Variants in ARHGEF1 observed in about 807,000 individuals in gnomAD.
ARHGEF1 encodes the protein 115 kDa guanine nucleotide exchange factor.
A neutral mutation model predicts 119.7 loss-of-function variants in ARHGEF1; 40 were observed. The observed-to-expected ratio is 0.33, with a 90% CI of 0.26 to 0.44. The LOEUF (loss-of-function observed/expected upper bound fraction) is 0.44. Ranked by LOEUF, ARHGEF1 falls within the 20% of genes least tolerant of loss-of-function variation. The pLI is 1.00. For synonymous variants in ARHGEF1, 494 were observed against 521.0 expected (o/e 0.95, Z 0.71); for missense variants, 976 against 1,268.3 (o/e 0.77, Z 3.50).
At chr19:41,909,869 GCCC>G, downstream of ARHGEF1, 1 of 1,610,056 alleles carries the variant, frequency 6.2e-7, no homozygotes, top group Non-Finnish European at 8.5e-7. This position sits in a 1 kb window ranked among gnomAD's most constrained non-coding sequence, Gnocchi z 5.2. Flanking sequence ...TCACCGCAGG[GCCC>G]GGCTCAGCTT....
chr19:41,924,375 CT>C (rs2145910664), intron 1 of ARHGEF1, among the ~76,000 whole-genome samples: 1 of 152,220 alleles, frequency 6.6e-6, no homozygotes, highest in Non-Finnish European at 1.5e-5. Context: ...GTTTCCTTCT[CT>C]GTAAAATGGG....
intron 1 of ARHGEF1, among the ~76,000 whole-genome samples, chr19:41,885,417 C>G (rs2074278806): frequency 6.6e-6 from 1 of 152,148 alleles, no homozygotes; most frequent in Non-Finnish European, 1.5e-5. Flanking sequence ...GGTGGGGGCT[C>G]CCCATGCTCT....
In ARHGEF1 at chr19:41,906,386, G is replaced by A; in HGVS notation, c.2492-71G>A. On this transcript the variant is annotated intron_variant, in intron 26 of 28. Coordinates refer to ENST00000354532, the MANE Select transcript of ARHGEF1 (RefSeq NM_004706.4). This position sits in a 1 kb window ranked among gnomAD's most constrained non-coding sequence, Gnocchi z 4.5. ...CCTCCAGCCCCTACACATCCCCTTT[G>A]GAATCCCCCATCCCAGATCCCAGCC... 1 of 1,454,922 alleles carries A rather than the reference G, an allele frequency of 6.9e-7. No individual in the cohort carries two copies. The highest frequency in any genetic ancestry group is 9.2e-7 in the Non-Finnish European group (1 of 1,086,168). 90.1% of individuals were successfully genotyped at this position (1,454,922 alleles called of 1,614,324 possible). A position where few individuals can be genotyped will look rare whatever the true frequency, so the allele number is the denominator to read the frequency against.
chr19:41,925,167 G>A (rs1200903588), intron 1 of ARHGEF1, among the ~76,000 whole-genome samples: 3 of 152,110 alleles, frequency 2.0e-5, no homozygotes, highest in African/African-American at 7.2e-5. Flanking sequence ...AGTGGGTGTC[G>A]AAGCCTCGGT....
chr19:41,919,147 TCA>T (rs782073452), upstream of ARHGEF1, among the ~76,000 whole-genome samples: 2 of 150,438 alleles, frequency 1.3e-5, no homozygotes, highest in Non-Finnish European at 3.0e-5. Flanking sequence ...CACACCACAC[TCA>T]CACACCACTC....
In ARHGEF1 at chr19:41,912,943, C is replaced by T. The variant is rs1599672647; in HGVS notation, c.1865+6140C>T. On this transcript the variant is annotated intron_variant, in intron 18 of 20. Coordinates refer to the ARHGEF1 transcript ENST00000599589. The stretch of plus-strand genomic sequence containing the variant: ...ATGGCGGAGCCGGCCCTGCAGAGGC[C>T]GGGAGGGACACACGGGGACGGGGTG... The T allele has an allele frequency of 7.5e-6, 9 of 1,206,904 alleles. No individual in the cohort carries two copies. In the East Asian group the frequency reaches 2.5e-4, roughly 34 times the overall value. 74.8% of individuals were successfully genotyped at this position (1,206,904 alleles called of 1,614,324 possible).
rs2074334384 is a variant in ARHGEF1, at chr19:41,888,872, G to A, written c.225+7G>A. 3 of 1,607,728 alleles carry A rather than the reference G, an allele frequency of 1.9e-6. No homozygotes were observed. Among genetic ancestry groups the A allele is most frequent in the Non-Finnish European group, 2.6e-6 (3 of 1,175,084 alleles). ...GTTTGAGCCAGGACCCCTGGTGAGG[G>A]CAGGGCTGGGTGGGCACAGGGAGGG... On this transcript the variant is annotated splice_region_variant and intron_variant, in intron 4 of 28. Transcript: ENST00000354532. The surrounding 1 kb of genome is among the most constrained non-coding windows in gnomAD (Gnocchi z 5.1).
downstream of ARHGEF1, among the ~76,000 whole-genome samples, chr19:41,911,442 A>G (rs1437114243): frequency 8.5e-5 from 13 of 152,206 alleles, no homozygotes; most frequent in African/African-American, 2.7e-4. Context: ...CGCCGTGTCC[A>G]CTTGCTGTGT....
chr19:41,925,945 C>A (rs1486154122), intron 1 of ARHGEF1, among the ~76,000 whole-genome samples: 2 of 151,756 alleles, frequency 1.3e-5, no homozygotes, highest in Non-Finnish European at 2.9e-5. Context: ...TAGCAGGTTG[C>A]ATGTGTGAGT....
At position 41,902,341 on chromosome 19, in the gene ARHGEF1, C is replaced by T. The variant is rs140077307; in HGVS notation, c.1482C>T (p.Asp494=). The T allele has an allele frequency of 3.8e-5, 61 of 1,614,104 alleles. No individual in the cohort carries two copies. The African/African-American group carries it at 6.5e-4, about 17-fold the overall frequency. The change falls in exon 16 of 29, where the codon GAC becomes GAT. Residue 494 remains aspartate (D), a synonymous_variant. Coordinates refer to ENST00000354532, the MANE Select transcript of ARHGEF1 (RefSeq NM_004706.4). The surrounding 1 kb of genome is among the most constrained non-coding windows in gnomAD (Gnocchi z 6.5). The part of the protein sequence containing the change: ...ESGYLIEEIG[D]VLLARFDGAE... ...GCTACCTCATCGAGGAGATCGGAGA[C>T]GTGCTGCTGGCCCGGGTGAGATGCC...
rs367547513 is a variant in ARHGEF1, at chr19:41,906,628, G to T, written c.2655+8G>T. 7 of 1,602,398 alleles carry T rather than the reference G, an allele frequency of 4.4e-6. No homozygotes were observed. Among genetic ancestry groups the T allele is most frequent in the Middle Eastern group, 1.7e-4 (1 of 6,012 alleles). On this transcript the variant is annotated splice_region_variant and intron_variant, in intron 27 of 28. Coordinates refer to ENST00000354532, the MANE Select transcript of ARHGEF1 (RefSeq NM_004706.4). The surrounding 1 kb of genome is among the most constrained non-coding windows in gnomAD (Gnocchi z 4.5). ...ACCATGAAGCAGCTGGAGGTGGGGC[G>T]GGACGGGCCAGGGGTGCCCTGAGTG...
chr19:41,926,724 C>T (rs950297335), intron 1 of ARHGEF1, among the ~76,000 whole-genome samples: 2 of 147,258 alleles, frequency 1.4e-5, no homozygotes, highest in Admixed American at 6.7e-5. Flanking sequence ...GAGGGGGGAG[C>T]GGGCGGGGGG....
upstream of ARHGEF1, among the ~76,000 whole-genome samples, chr19:41,920,150 G>A (rs185889609): frequency 1.3e-4 from 14 of 109,186 alleles, no homozygotes; most frequent in East Asian, 2.5e-4. Flanking sequence ...GACATGACAC[G>A]CCCAGACATG....
intron 11 of ARHGEF1, 40 bp downstream of exon 11, chr19:41,894,701 G>A: frequency 1.2e-6 from 2 of 1,611,712 alleles, no homozygotes; most frequent in South Asian, 2.2e-5. Flanking sequence ...CTGGGGGCCT[G>A]TGTGGGAGAG....
chr19:41,915,817 G>A (rs117814784), intron 18 of ARHGEF1, among the ~76,000 whole-genome samples: 2,244 of 152,202 alleles, frequency 0.015, 27 homozygotes, highest in Non-Finnish European at 0.025. Context: ...TGGAGGGAGC[G>A]CGGCCTGCGG....
rs2074673150 is a variant in ARHGEF1 at position 41,905,372 on chromosome 19, AATGC to A, written c.2336+115_2336+118del. The A allele has an allele frequency of 1.1e-6, 1 of 935,050 alleles. No homozygotes were observed. Among genetic ancestry groups the A allele is most frequent in the Admixed American group, 2.5e-5 (1 of 39,628 alleles). 57.9% of individuals were successfully genotyped at this position (935,050 alleles called of 1,614,324 possible). ...CTCTGTGTGAGCATGCACATGTGTG[AATGC>A]ATGTGTGTGCATACATGTGTGTCTG... On this transcript the variant is annotated intron_variant, in intron 24 of 28. Transcript: ENST00000354532. This position sits in a 1 kb window ranked among gnomAD's most constrained non-coding sequence, Gnocchi z 6.4.
rs1463558009 is a variant in ARHGEF1 at position 41,888,903 on chromosome 19, G to C, written c.225+38G>C. The C allele has an allele frequency of 6.5e-7, 1 of 1,548,846 alleles. No individual in the cohort carries two copies. Among genetic ancestry groups the C allele is most frequent in the Non-Finnish European group, 8.9e-7 (1 of 1,129,556 alleles). On this transcript the variant is annotated intron_variant, in intron 4 of 28. Coordinates refer to ENST00000354532, the MANE Select transcript of ARHGEF1 (RefSeq NM_004706.4). This position sits in a 1 kb window ranked among gnomAD's most constrained non-coding sequence, Gnocchi z 5.1. Reference sequence around the variant, plus strand: ...CTGGGTGGGCACAGGGAGGGGTGGGGCTGGGACAGGCACAGCTTTTAGCGA... The same window carrying C: ...CTGGGTGGGCACAGGGAGGGGTGGGCCTGGGACAGGCACAGCTTTTAGCGA...
At position 41,888,197 on chromosome 19, in the gene ARHGEF1, C is replaced by G; in HGVS notation, c.30C>G (p.Ser10=). 1 of 1,614,140 alleles carries G rather than the reference C, an allele frequency of 6.2e-7. No homozygotes were observed. Among genetic ancestry groups the G allele is most frequent in the Non-Finnish European group, 8.5e-7 (1 of 1,179,994 alleles). The change falls in exon 3 of 29, where the codon TCC becomes TCG. Residue 10 remains serine, a synonymous_variant. Coordinates refer to ENST00000354532, the MANE Select transcript of ARHGEF1 (RefSeq NM_004706.4). This position sits in a 1 kb window ranked among gnomAD's most constrained non-coding sequence, Gnocchi z 5.1. MEDFARGAA[S]PGPSRPGLVP... is the part of the protein sequence containing the mutation. ...GCTGCCCTCCCTTTCCACAGGCCTC[C>G]CCAGGCCCCTCCCGGCCTGGCCTGG...
downstream of ARHGEF1, chr19:41,909,215 G>C: frequency 8.1e-7 from 1 of 1,230,722 alleles, no homozygotes; most frequent in East Asian, 3.2e-5. The surrounding 1 kb of genome is among the most constrained non-coding windows in gnomAD (Gnocchi z 5.2). Flanking sequence ...TTCTCAGACT[G>C]TCCCCTCCCC....
Sources: allele counts gnomAD v4.1 joint callset (sites outside exome capture counted in the v4.1 genomes callset), GRCh38; gene constraint gnomAD v4.1.1; non-coding constraint Gnocchi (gnomAD v3.1); transcripts MANE v1.5; gene names NCBI Gene and HGNC (gene_info 2026-07-23, HGNC 2026-07-21).